Variants in IPMK observed in about 807,000 individuals in gnomAD.
The protein encoded by IPMK is inositol polyphosphate multikinase, also known as inositol 1,3,4,6-tetrakisphosphate 5-kinase.
IPMK carries 17 observed loss-of-function variants against 45.8 expected under a neutral mutation model. That is an observed-to-expected ratio of 0.37 (90% CI 0.25 to 0.56). The LOEUF is 0.56. Ranked by LOEUF, IPMK falls within the 20% of genes least tolerant of loss-of-function variation. IPMK has a pLI of 0.79. For missense variants in IPMK, 399 were observed against 498.0 expected, an observed-to-expected ratio of 0.80 and a Z score of 1.89; for synonymous variants, 180 against 184.3, an observed-to-expected ratio of 0.98 and a Z score of 0.19.
intron 1 of IPMK, among the ~76,000 whole-genome samples, chr10:58,264,436 T>C (rs1469547680): frequency 6.6e-6 from 1 of 152,190 alleles, no homozygotes; most frequent in Non-Finnish European, 1.5e-5. Context: ...CCCTATAGAC[T>C]ACCCCATTTC....
chr10:58,228,635 G>A (rs1010218106), intron 2 of IPMK, among the ~76,000 whole-genome samples: 4 of 152,180 alleles, frequency 2.6e-5, no homozygotes, highest in South Asian at 2.1e-4. Context: ...CTGGGTTCAC[G>A]CCATTCTCCT....
chr10:58,246,561 C>A (rs1397595264), intron 1 of IPMK, among the ~76,000 whole-genome samples: 8 of 133,170 alleles, frequency 6.0e-5, no homozygotes, highest in Admixed American at 2.8e-4. Flanking sequence ...GGAAAGGATT[C>A]CCTATTGAAT....
At position 58,228,236 on chromosome 10, in the gene IPMK, T is replaced by C. The variant is rs555367088; in HGVS notation, c.277-1097A>G. On this transcript the variant is annotated intron_variant, in intron 2 of 5. Coordinates refer to ENST00000373935, the MANE Select transcript of IPMK (RefSeq NM_152230.5). ...CGGAGGAATGAAGTAGATCTCTGTGTACTGATCTAAAGAACTCCATGCTAT... is the reference window on the plus strand; with the variant it reads ...CGGAGGAATGAAGTAGATCTCTGTGCACTGATCTAAAGAACTCCATGCTAT... Among the ~76,000 whole-genome samples, 8 of 152,272 alleles carry C rather than the reference T, an allele frequency of 5.3e-5. No homozygotes were observed. The East Asian group carries it at 7.7e-4, about 15-fold the overall frequency.
At chr10:58,240,659 A>G (rs890727302) in intron 1 of IPMK, among the ~76,000 whole-genome samples, 1 of 130,772 alleles carries the variant, frequency 7.6e-6, no homozygotes, top group African/African-American at 3.2e-5. Flanking sequence ...TACACCACGA[A>G]AAAAAAAAAA....
intron 2 of IPMK, among the ~76,000 whole-genome samples, chr10:58,229,048 A>C (rs754437209): frequency 2.6e-5 from 4 of 152,196 alleles, no homozygotes; most frequent in African/African-American, 4.8e-5. Context: ...TGGAGAGTAA[A>C]TAAAATTCAA....
At chr10:58,209,864 T>C (rs1328345062) in intron 4 of IPMK, among the ~76,000 whole-genome samples, 1 of 152,058 alleles carries the variant, frequency 6.6e-6, no homozygotes, top group Non-Finnish European at 1.5e-5. Context: ...ATGGCCTGAG[T>C]TGGTTGGCCT....
intron 2 of IPMK, among the ~76,000 whole-genome samples, chr10:58,235,618 A>C (rs971546631): frequency 2.0e-5 from 3 of 152,208 alleles, no homozygotes; most frequent in Non-Finnish European, 4.4e-5. Context: ...TTGAACAAAG[A>C]GATCACTTGG....
intron 1 of IPMK, among the ~76,000 whole-genome samples, chr10:58,249,827 C>T (rs1838856379): frequency 6.6e-6 from 1 of 152,080 alleles, no homozygotes; most frequent in Non-Finnish European, 1.5e-5. Flanking sequence ...TTATGTTTTA[C>T]ATCCAATCCA....
At chr10:58,258,742 T>C (rs1839011914) in intron 1 of IPMK, among the ~76,000 whole-genome samples, 1 of 152,202 alleles carries the variant, frequency 6.6e-6, no homozygotes, top group Middle Eastern at 3.4e-3. Flanking sequence ...TAAAGGGAAA[T>C]GGGCAGTTTT....
chr10:58,247,369 G>A (rs9731411), intron 1 of IPMK, among the ~76,000 whole-genome samples: 49,632 of 149,690 alleles, frequency 0.33, 10,282 homozygotes, highest in African/African-American at 0.6. Flanking sequence ...TGTTTATCGC[G>A]GCATTATTCA....
At chr10:58,209,868 T>C (rs547348764) in intron 4 of IPMK, among the ~76,000 whole-genome samples, 5 of 152,316 alleles carry the variant, frequency 3.3e-5, no homozygotes, top group South Asian at 4.1e-4. Context: ...CCTGAGTTGG[T>C]TGGCCTCCAG....
intron 1 of IPMK, among the ~76,000 whole-genome samples, chr10:58,263,907 C>T (rs1224842779): frequency 6.6e-6 from 1 of 152,072 alleles, no homozygotes; most frequent in Non-Finnish European, 1.5e-5. Context: ...ATGACAATGT[C>T]ATAAAGGACA....
At chr10:58,247,645 G>C (rs1194772521) in intron 1 of IPMK, among the ~76,000 whole-genome samples, 2 of 152,114 alleles carry the variant, frequency 1.3e-5, no homozygotes, top group African/African-American at 4.8e-5. Flanking sequence ...TCACACTCTG[G>C]GGACTGTTGT....
intron 3 of IPMK, among the ~76,000 whole-genome samples, chr10:58,220,293 A>G (rs1344078311): frequency 1.3e-5 from 2 of 152,188 alleles, no homozygotes; most frequent in African/African-American, 4.8e-5. Flanking sequence ...TTCAGATTCT[A>G]GTTCCAGTCC....
At chr10:58,236,766 G>A (rs1838619512) in intron 2 of IPMK, among the ~76,000 whole-genome samples, 1 of 151,970 alleles carries the variant, frequency 6.6e-6, no homozygotes, top group Non-Finnish European at 1.5e-5. Context: ...TTTAAAATTA[G>A]CCAGGCTTGC....
Position 58,267,785 on chromosome 10 carries a change from G to C in IPMK, c.-174C>G. On this transcript the variant is annotated 5_prime_UTR_variant, in exon 1 of 6. Coordinates refer to ENST00000373935, the MANE Select transcript of IPMK (RefSeq NM_152230.5). Reference sequence around the variant, plus strand: ...GGGCCCATGACGCCGCCGGGGCGCGGGCGCTCCTCTGCCCAACTCTCGGCG... The same window carrying C: ...GGGCCCATGACGCCGCCGGGGCGCGCGCGCTCCTCTGCCCAACTCTCGGCG... 1 of 559,842 alleles carries C rather than the reference G, an allele frequency of 1.8e-6. No individual in the cohort carries two copies. Among genetic ancestry groups the C allele is most frequent in the Non-Finnish European group, 3.1e-6 (1 of 318,118 alleles). 34.7% of individuals were successfully genotyped at this position (559,842 alleles called of 1,614,324 possible). A position where few individuals can be genotyped will look rare whatever the true frequency, so the allele number is the denominator to read the frequency against.
intron 1 of IPMK, among the ~76,000 whole-genome samples, chr10:58,241,558 T>C (rs1364467715): frequency 6.6e-6 from 1 of 152,152 alleles, no homozygotes; most frequent in Non-Finnish European, 1.5e-5. Flanking sequence ...CATAACAAAA[T>C]GCCATAGACT....
chr10:58,223,285 A>G (rs991598361), intron 3 of IPMK, among the ~76,000 whole-genome samples: 1 of 152,204 alleles, frequency 6.6e-6, no homozygotes. Flanking sequence ...AGTGTTAGGT[A>G]TAAAAAAAAT....
Position 58,196,051 on chromosome 10 carries a change from C to G in IPMK, c.*25G>C. On this transcript the variant is annotated 3_prime_UTR_variant, in exon 6 of 6. Transcript: ENST00000373935. ...CCCTCTTCATTATGATTGGCCCACCCCTTAAAAAGACTGCAACAGAGGATT... is the reference window on the plus strand; with the variant it reads ...CCCTCTTCATTATGATTGGCCCACCGCTTAAAAAGACTGCAACAGAGGATT... 1 of 1,590,618 alleles carries G rather than the reference C, an allele frequency of 6.3e-7. No homozygotes were observed. The highest frequency in any genetic ancestry group is 8.6e-7 in the Non-Finnish European group (1 of 1,166,736).
Sources: allele counts gnomAD v4.1 joint callset (sites outside exome capture counted in the v4.1 genomes callset), GRCh38; gene constraint gnomAD v4.1.1; transcripts MANE v1.5; gene names NCBI Gene and HGNC (gene_info 2026-07-23, HGNC 2026-07-21).